ACTN4: variants seen among roughly 807,000 people sequenced by gnomAD.
The protein encoded by ACTN4 is alpha-actinin-4.
A neutral mutation model predicts 114.2 loss-of-function variants in ACTN4; 18 were observed. That is an observed-to-expected ratio of 0.16 (90% CI 0.11 to 0.23). The LOEUF (loss-of-function observed/expected upper bound fraction) is 0.23, where lower values mean the gene tolerates loss of function less well. Ranked by LOEUF, ACTN4 falls within the 10% of genes least tolerant of loss-of-function variation. The pLI is 1.00. For missense variants in ACTN4, 722 were observed against 1,262.9 expected (o/e 0.57, Z 6.49); for synonymous variants, 515 against 506.3 (o/e 1.02, Z -0.23).
chr19:38,723,833 T>C, intron 13 of ACTN4, 104 bp from the exon 14 acceptor site: 1 of 1,478,684 alleles, frequency 6.8e-7, no homozygotes, highest in Non-Finnish European at 9.3e-7. Flanking sequence ...ACGGAGAGGA[T>C]GTTCTCTGAC....
At chr19:38,718,484 C>T (rs1304908485) in intron 11 of ACTN4, among the ~76,000 whole-genome samples, 4 of 151,980 alleles carry the variant, frequency 2.6e-5, no homozygotes, top group East Asian at 1.9e-4. Flanking sequence ...TGCAGTGAGC[C>T]GTGATTGTAC....
chr19:38,672,760 A>G (rs977535769), intron 1 of ACTN4, among the ~76,000 whole-genome samples: 1 of 150,978 alleles, frequency 6.6e-6, no homozygotes, highest in African/African-American at 2.4e-5. Flanking sequence ...TTTAGTAGAG[A>G]CGGGGTTTCT....
chr19:38,710,488 T>C (rs912539319), intron 8 of ACTN4, 146 bp downstream of exon 8: 3 of 860,462 alleles, frequency 3.5e-6, no homozygotes, highest in Non-Finnish European at 5.8e-6. Flanking sequence ...CTGGCGTTGC[T>C]GCCCCCTCAG....
intron 3 of ACTN4, among the ~76,000 whole-genome samples, chr19:38,702,651 G>A (rs561711668): frequency 6.6e-6 from 1 of 152,210 alleles, no homozygotes; most frequent in Non-Finnish European, 1.5e-5. Context: ...GCACTAAGGG[G>A]CAGGTGGTGC....
intron 1 of ACTN4, among the ~76,000 whole-genome samples, chr19:38,700,179 C>T (rs1968223588): frequency 6.6e-6 from 1 of 152,094 alleles, no homozygotes. Flanking sequence ...CCTGTTCATT[C>T]CACACCACCG....
In ACTN4 at chr19:38,727,744, G is replaced by C; in HGVS notation, c.2338-202G>C. The C allele has an allele frequency of 1.7e-6, 1 of 599,136 alleles. No homozygotes were observed. Among genetic ancestry groups the C allele is most frequent in the Non-Finnish European group, 3.0e-6 (1 of 335,032 alleles). 37.1% of individuals were successfully genotyped at this position (599,136 alleles called of 1,614,324 possible). A position where few individuals can be genotyped will look rare whatever the true frequency, so the allele number is the denominator to read the frequency against. ...GGCCTCTGCCTTCCTTTGAGCTTCCGAGGTTGGGGAAAGGATGAAAGGGGC... is the reference window on the plus strand; with the variant it reads ...GGCCTCTGCCTTCCTTTGAGCTTCCCAGGTTGGGGAAAGGATGAAAGGGGC... On this transcript the variant is annotated intron_variant, in intron 18 of 20. Coordinates refer to ENST00000252699, the MANE Select transcript of ACTN4 (RefSeq NM_004924.6). The surrounding 1 kb of genome is among the most constrained non-coding windows in gnomAD (Gnocchi z 5.4).
chr19:38,700,938 C>G (rs1266022654), intron 2 of ACTN4, 64 bp from the exon 3 acceptor site: 2 of 1,598,632 alleles, frequency 1.3e-6, no homozygotes, highest in Admixed American at 1.7e-5. Flanking sequence ...CTCTCTCCCT[C>G]TCGCCCTCTC....
chr19:38,722,460 G>A (rs958318079), intron 12 of ACTN4, among the ~76,000 whole-genome samples: 1 of 138,944 alleles, frequency 7.2e-6, no homozygotes, highest in East Asian at 2.1e-4. Flanking sequence ...TCCAAGGCCC[G>A]TTTATTCCTG....
chr19:38,700,971 G>A lies in ACTN4; in HGVS notation c.278-31G>A, dbSNP rs767908773. The stretch of plus-strand genomic sequence containing the variant: ...CTCTCCCTTTCTCTCTCTCTGTCTC[G>A]CCCCCTCTTTTCTCTTTGTGCACTT... On this transcript the variant is annotated intron_variant, in intron 2 of 20. Transcript: ENST00000252699. 7.5e-6 allele frequency: 12 copies of A among 1,610,338 alleles called. No individual in the cohort carries two copies. In the African/African-American group the frequency reaches 1.2e-4, roughly 16 times the overall value.
At chr19:38,718,098 C>A in intron 11 of ACTN4, 24 bp downstream of exon 11, 1 of 1,590,774 alleles carries the variant, frequency 6.3e-7, no homozygotes. Flanking sequence ...CTGCCCCACT[C>A]TGCCCAGCCC....
At chr19:38,710,476 C>T in intron 8 of ACTN4, 134 bp downstream of exon 8, 1 of 943,070 alleles carries the variant, frequency 1.1e-6, no homozygotes. Flanking sequence ...ACCCCCAGCT[C>T]CCTGGCGTTG....
At chr19:38,715,923 T>C (rs982828318) in intron 9 of ACTN4, among the ~76,000 whole-genome samples, 1 of 152,220 alleles carries the variant, frequency 6.6e-6, no homozygotes, top group Admixed American at 6.5e-5. Context: ...TTTTTTGAGA[T>C]GGAGTTTCAC....
chr19:38,679,562 G>GGTGCGTGT (rs1555827848), intron 1 of ACTN4, among the ~76,000 whole-genome samples: 6 of 96,298 alleles, frequency 6.2e-5, no homozygotes, highest in Non-Finnish European at 9.4e-5. Flanking sequence ...AATAGATTTG[G>GGTGCGTGT]GTGTGCGTGT....
chr19:38,728,169 T>A (rs1412787567), intron 19 of ACTN4, 143 bp downstream of exon 19: 9 of 1,297,374 alleles, frequency 6.9e-6, no homozygotes, highest in African/African-American at 1.5e-5. Context: ...CACATCTCCC[T>A]GGACCCCTTC....
At chr19:38,660,974 G>A (rs748975193) in intron 1 of ACTN4, among the ~76,000 whole-genome samples, 1 of 152,028 alleles carries the variant, frequency 6.6e-6, no homozygotes, top group Non-Finnish European at 1.5e-5. Context: ...TTCCTTAACG[G>A]ATGAGAAAGA....
chr19:38,664,370 C>T (rs1050940549), intron 1 of ACTN4, among the ~76,000 whole-genome samples: 2 of 152,058 alleles, frequency 1.3e-5, no homozygotes, highest in South Asian at 4.1e-4. Context: ...TTCCCCACAC[C>T]GACAAACCGA....
At chr19:38,715,159 C>A (rs1968798250) in intron 9 of ACTN4, among the ~76,000 whole-genome samples, 1 of 152,212 alleles carries the variant, frequency 6.6e-6, no homozygotes, top group Non-Finnish European at 1.5e-5. Context: ...GTGGTTAGTA[C>A]AACTCTTCTG....
At chr19:38,672,519 G>A (rs1348241654) in intron 1 of ACTN4, among the ~76,000 whole-genome samples, 1 of 151,932 alleles carries the variant, frequency 6.6e-6, no homozygotes, top group African/African-American at 2.4e-5. Flanking sequence ...GGGATTACAG[G>A]TGTGAGCTAC....
intron 1 of ACTN4, among the ~76,000 whole-genome samples, chr19:38,684,963 T>C (rs912245171): frequency 2.0e-5 from 3 of 152,178 alleles, no homozygotes; most frequent in African/African-American, 7.2e-5. Context: ...GTTTGTTTGT[T>C]TGAGACGGAA....
Sources: allele counts gnomAD v4.1 joint callset (sites outside exome capture counted in the v4.1 genomes callset), GRCh38; gene constraint gnomAD v4.1.1; non-coding constraint Gnocchi (gnomAD v3.1); transcripts MANE v1.5; gene names NCBI Gene and HGNC (gene_info 2026-07-23, HGNC 2026-07-21).